Variants in MCC observed in about 807,000 individuals in gnomAD.
MCC encodes MCC regulator of Wnt signaling pathway, also known as colorectal mutant cancer protein.
MCC carries 90 observed loss-of-function variants against 116.2 expected under a neutral mutation model. The observed-to-expected ratio is 0.77, with a 90% CI of 0.65 to 0.92. The LOEUF (loss-of-function observed/expected upper bound fraction) is 0.92, where lower values mean the gene tolerates loss of function less well. MCC is among the 40% of genes least tolerant of loss of function. The pLI, the probability that MCC is intolerant of heterozygous loss-of-function variation, is 0.00. For synonymous variants in MCC, 578 were observed against 510.5 expected, an observed-to-expected ratio of 1.13 and a Z score of -1.78; for missense variants, 1,516 against 1,312.2, an observed-to-expected ratio of 1.16 and a Z score of -2.40.
chr5:113,352,152 T>C (rs894235339), intron 2 of MCC, among the ~76,000 whole-genome samples: 3 of 152,198 alleles, frequency 2.0e-5, no homozygotes, highest in African/African-American at 4.8e-5. Flanking sequence ...CCCATTACTC[T>C]CTTTTAATCT....
At chr5:113,389,365 G>A (rs1769351125) in intron 1 of MCC, among the ~76,000 whole-genome samples, 1 of 152,118 alleles carries the variant, frequency 6.6e-6, no homozygotes, top group South Asian at 2.1e-4. Flanking sequence ...CTTGAGACTG[G>A]CTTTGACCAA....
chr5:113,142,180 T>A (rs1485402063), intron 5 of MCC, among the ~76,000 whole-genome samples: 2 of 147,104 alleles, frequency 1.4e-5, no homozygotes, highest in African/African-American at 4.9e-5. Context: ...ACTCTTGGTG[T>A]TGGAACAAAA....
intron 8 of MCC, among the ~76,000 whole-genome samples, chr5:113,090,143 G>A (rs952245862): frequency 2.6e-5 from 4 of 152,114 alleles, no homozygotes; most frequent in African/African-American, 9.7e-5. Context: ...GGAGCTGGCA[G>A]GAGTGGAGGG....
intron 11 of MCC, among the ~76,000 whole-genome samples, chr5:113,078,399 A>C (rs1754610326): frequency 6.6e-6 from 1 of 152,254 alleles, no homozygotes; most frequent in Non-Finnish European, 1.5e-5. Context: ...CATTGATGCA[A>C]AGACCTCAAT....
intron 3 of MCC, among the ~76,000 whole-genome samples, chr5:113,169,386 A>C: frequency 6.6e-6 from 1 of 152,102 alleles, no homozygotes; most frequent in Non-Finnish European, 1.5e-5. Flanking sequence ...CCTGCACCCA[A>C]ATGTGTCAAA....
intron 3 of MCC, among the ~76,000 whole-genome samples, chr5:113,190,039 C>A (rs916002004): frequency 1.3e-5 from 2 of 152,194 alleles, no homozygotes; most frequent in Admixed American, 6.5e-5. Context: ...AGCCTAGCCA[C>A]CTGCAGCCCA....
intron 2 of MCC, among the ~76,000 whole-genome samples, chr5:113,364,238 G>GAAAAAA (rs60976854): frequency 4.5e-4 from 22 of 49,430 alleles, no homozygotes; most frequent in South Asian, 8.5e-4. Context: ...CTCAAAAACA[G>GAAAAAA]AAAAAAAAAA....
rs143802405 is a variant in MCC, at chr5:113,116,346, G to A, written c.1027+6338C>T. On this transcript the variant is annotated intron_variant, in intron 6 of 18. Transcript: ENST00000408903. ...GCGGTAACAACACTAGCAAGGTCCCGAAGTTATTTCCATGACAGATTACAC... is the reference window on the plus strand; with the variant it reads ...GCGGTAACAACACTAGCAAGGTCCCAAAGTTATTTCCATGACAGATTACAC... Among the ~76,000 whole-genome samples, 228 of 152,294 alleles carry A rather than the reference G, an allele frequency of 1.5e-3. 2 individuals carry two copies. Among genetic ancestry groups the A allele is most frequent in the African/African-American group, 5.1e-3 (214 of 41,566 alleles).
chr5:113,217,191 A>G (rs1000009302), intron 3 of MCC, among the ~76,000 whole-genome samples: 2 of 152,356 alleles, frequency 1.3e-5, no homozygotes, highest in African/African-American at 4.8e-5. Context: ...TAAAAGACCA[A>G]ACTCCAAAGG....
chr5:113,405,858 TTATTAA>T (rs1769818466), intron 1 of MCC, among the ~76,000 whole-genome samples: 1 of 152,096 alleles, frequency 6.6e-6, no homozygotes, highest in Non-Finnish European at 1.5e-5. Flanking sequence ...GTAAAAATAC[TTATTAA>T]TATTATTTCA....
chr5:113,373,006 G>C (rs781321620), intron 2 of MCC, among the ~76,000 whole-genome samples: 1 of 151,920 alleles, frequency 6.6e-6, no homozygotes, highest in South Asian at 2.1e-4. Context: ...ATGAAACCCC[G>C]TCTTTACTAA....
At chr5:113,048,499 G>A (rs1482450606) in intron 16 of MCC, 1 of 152,436 alleles carries the variant, frequency 6.6e-6, no homozygotes, top group Non-Finnish European at 1.5e-5. Context: ...TTGTGTTCAA[G>A]TAACCCTTAT....
chr5:113,423,047 T>C (rs975667877), intron 1 of MCC, among the ~76,000 whole-genome samples: 5 of 152,094 alleles, frequency 3.3e-5, no homozygotes, highest in Non-Finnish European at 7.4e-5. Context: ...GTGGTCAGAG[T>C]GGTGAAAAAT....
intron 3 of MCC, among the ~76,000 whole-genome samples, chr5:113,264,778 C>T (rs1256383275): frequency 1.3e-5 from 2 of 152,076 alleles, no homozygotes; most frequent in South Asian, 4.1e-4. Flanking sequence ...CATGGTGGCT[C>T]AGGCCTGTAA....
At chr5:113,114,900 A>G (rs975835949) in intron 6 of MCC, among the ~76,000 whole-genome samples, 4 of 152,154 alleles carry the variant, frequency 2.6e-5, no homozygotes, top group Admixed American at 2.6e-4. Flanking sequence ...TGGATGCCAA[A>G]CAAGAGTTTG....
At chr5:113,101,358 G>T (rs1285165685) in intron 8 of MCC, 1 of 188,114 alleles carries the variant, frequency 5.3e-6, no homozygotes, top group South Asian at 1.0e-4. Flanking sequence ...AAATTTTATA[G>T]AAAAAAATTA....
Position 113,025,827 on chromosome 5 carries a change from G to A in MCC, c.*1475C>T, listed in dbSNP as rs534502209. ...TGGCTGGAGTATCCTCCAGCGAACA[G>A]AAGGCTGTGGAATTTGTATCATGCT... On this transcript the variant is annotated 3_prime_UTR_variant, in exon 19 of 19. Transcript: ENST00000408903. 6.6e-6 allele frequency: 1 copy of A among 152,254 alleles called. No homozygotes were observed. Among genetic ancestry groups the A allele is most frequent in the South Asian group, 2.1e-4 (1 of 4,814 alleles). 9.4% of individuals were successfully genotyped at this position (152,254 alleles called of 1,614,324 possible). A position where few individuals can be genotyped will look rare whatever the true frequency, so the allele number is the denominator to read the frequency against.
chr5:113,063,042 C>T (rs1215342052), intron 14 of MCC, among the ~76,000 whole-genome samples: 3 of 152,196 alleles, frequency 2.0e-5, no homozygotes, highest in East Asian at 3.8e-4. Context: ...GCTAAGATCC[C>T]GGGTTCCCAT....
chr5:113,045,975 G>C (rs887236521), intron 16 of MCC, among the ~76,000 whole-genome samples: 43 of 152,026 alleles, frequency 2.8e-4, no homozygotes, highest in African/African-American at 9.9e-4. Flanking sequence ...TCACAGAAAA[G>C]TGCTGACCCC....
Sources: gnomAD v4.1 joint callset for allele counts (sites outside exome capture counted in the v4.1 genomes callset) on GRCh38, gnomAD v4.1.1 for gene constraint, MANE v1.5 for transcripts, NCBI Gene and HGNC (gene_info 2026-07-23, HGNC 2026-07-21) for gene names.